RAB38: variants seen among roughly 807,000 people sequenced by gnomAD.
The protein encoded by RAB38 is ras-related protein Rab-38.
Under a neutral mutation model 18.4 loss-of-function variants are expected in RAB38, and 15 were observed. The ratio of observed to expected loss-of-function variants is 0.82; its 90% CI spans 0.55 to 1.26. The LOEUF is 1.26. Ranked by LOEUF, RAB38 falls within the 50% of genes most tolerant of loss-of-function variation. The probability of loss-of-function intolerance (pLI) is 0.00; values close to 1 mark genes in which losing one functional copy is unlikely to be tolerated. For missense variants in RAB38, 294 were observed against 267.4 expected, an observed-to-expected ratio of 1.10 and a Z score of -0.69; for synonymous variants, 101 against 104.4, an observed-to-expected ratio of 0.97 and a Z score of 0.20.
At chr11:88,027,558 C>T in the RAB38 span, among the ~76,000 whole-genome samples, 1 of 152,056 alleles carries the variant, frequency 6.6e-6, no homozygotes, top group Non-Finnish European at 1.5e-5. Flanking sequence ...AAACGGCGCA[C>T]CAGGAGATTA....
chr11:87,838,706 G>A, the RAB38 span, among the ~76,000 whole-genome samples: 4 of 152,266 alleles, frequency 2.6e-5, no homozygotes, highest in African/African-American at 4.8e-5. Context: ...GTGGGCATTC[G>A]TCACTTCATA....
At chr11:87,959,416 A>G in the RAB38 span, among the ~76,000 whole-genome samples, 1 of 152,196 alleles carries the variant, frequency 6.6e-6, no homozygotes, top group Non-Finnish European at 1.5e-5. Flanking sequence ...TAGGTACAAG[A>G]ACGCATATTC....
At chr11:87,837,589 C>G in the RAB38 span, among the ~76,000 whole-genome samples, 67 of 152,332 alleles carry the variant, frequency 4.4e-4, no homozygotes, top group African/African-American at 1.3e-3. Context: ...CTAATGTTTA[C>G]TGAGAATCAG....
At chr11:87,925,004 C>T in the RAB38 span, among the ~76,000 whole-genome samples, 11 of 151,910 alleles carry the variant, frequency 7.2e-5, no homozygotes, top group South Asian at 4.1e-4. Context: ...ACTAGGTAAA[C>T]GAGGGAGGTT....
the RAB38 span, among the ~76,000 whole-genome samples, chr11:87,935,919 C>T: frequency 2.6e-5 from 4 of 151,962 alleles, no homozygotes; most frequent in African/African-American, 7.2e-5. Flanking sequence ...TGTTTTATAT[C>T]GTTCATGTGC....
chr11:88,022,621 A>C, the RAB38 span, among the ~76,000 whole-genome samples: 4,348 of 149,654 alleles, frequency 0.029, 139 homozygotes, highest in Non-Finnish European at 0.044. Flanking sequence ...CAAAAAAAAA[A>C]AAAAAAAAAA....
chr11:87,977,599 A>C, the RAB38 span, among the ~76,000 whole-genome samples: 2 of 117,996 alleles, frequency 1.7e-5, no homozygotes, highest in African/African-American at 6.7e-5. Flanking sequence ...ATAATTATGT[A>C]CTATACAATT....
At chr11:88,175,061 C>T in intron 1 of RAB38, 122 bp downstream of exon 1, 1 of 1,190,964 alleles carries the variant, frequency 8.4e-7, no homozygotes, top group Non-Finnish European at 1.1e-6. Context: ...TCCAGCCCAC[C>T]AGGAAAAACT....
the RAB38 span, among the ~76,000 whole-genome samples, chr11:87,819,372 T>C: frequency 5.9e-5 from 9 of 152,124 alleles, no homozygotes; most frequent in African/African-American, 1.4e-4. Context: ...GATTCATATC[T>C]GCAGATAGTG....
intron 1 of RAB38, among the ~76,000 whole-genome samples, chr11:88,152,967 A>T (rs1392147133): frequency 6.6e-5 from 10 of 152,228 alleles, no homozygotes; most frequent in Non-Finnish European, 1.2e-4. Context: ...CAATGCTCTT[A>T]AACTCATAGC....
chr11:87,867,047 A>G, the RAB38 span, among the ~76,000 whole-genome samples: 1 of 151,792 alleles, frequency 6.6e-6, no homozygotes, highest in Non-Finnish European at 1.5e-5. Context: ...ATGGTTGAAT[A>G]CAGACATAAC....
At chr11:88,067,976 T>C in the RAB38 span, among the ~76,000 whole-genome samples, 3 of 86,240 alleles carry the variant, frequency 3.5e-5, no homozygotes, top group East Asian at 3.6e-4. Context: ...TATACACATA[T>C]ATATACTTAT....
intron 2 of RAB38, among the ~76,000 whole-genome samples, chr11:88,139,796 A>C (rs563289144): frequency 6.6e-6 from 1 of 152,220 alleles, no homozygotes; most frequent in East Asian, 1.9e-4. Flanking sequence ...AACTTTTACA[A>C]GAATCATTGT....
intron 1 of RAB38, among the ~76,000 whole-genome samples, chr11:88,153,157 G>A (rs570663263): frequency 1.3e-5 from 2 of 152,314 alleles, no homozygotes; most frequent in Non-Finnish European, 2.9e-5. Flanking sequence ...CTGGTTACCA[G>A]AACAGGCTCA....
chr11:87,940,011 GAATAA>G, the RAB38 span, among the ~76,000 whole-genome samples: 1 of 151,522 alleles, frequency 6.6e-6, no homozygotes, highest in Non-Finnish European at 1.5e-5. Context: ...GAGCAAAAGG[GAATAA>G]AATAAATTGA....
the RAB38 span, among the ~76,000 whole-genome samples, chr11:87,927,412 T>C: frequency 2.0e-5 from 3 of 152,032 alleles, no homozygotes; most frequent in African/African-American, 7.2e-5. Context: ...TGCTTTTCAC[T>C]TGGAGGTGAG....
chr11:87,909,118 G>C, the RAB38 span, among the ~76,000 whole-genome samples: 1 of 151,900 alleles, frequency 6.6e-6, no homozygotes, highest in Non-Finnish European at 1.5e-5. Flanking sequence ...ATCATTTATA[G>C]TATCTCAAAT....
At chr11:87,969,853 T>C in the RAB38 span, among the ~76,000 whole-genome samples, 2 of 152,268 alleles carry the variant, frequency 1.3e-5, no homozygotes, top group South Asian at 2.1e-4. Flanking sequence ...CAGTGGATTC[T>C]GGAGATTTTA....
At chr11:88,007,601 T>C in the RAB38 span, among the ~76,000 whole-genome samples, 1 of 151,936 alleles carries the variant, frequency 6.6e-6, no homozygotes, top group South Asian at 2.1e-4. Context: ...AAACATCAAG[T>C]GTCAGATACA....
Sources: allele counts gnomAD v4.1 joint callset (sites outside exome capture counted in the v4.1 genomes callset), GRCh38; gene constraint gnomAD v4.1.1; transcripts MANE v1.5; gene names NCBI Gene and HGNC (gene_info 2026-07-23, HGNC 2026-07-21).